Variants in TASP1 observed in about 807,000 individuals in gnomAD.
TASP1 encodes the protein threonine aspartase 1.
In TASP1, 16 loss-of-function variants were observed where a neutral mutation model predicts 56.6. That is an observed-to-expected ratio of 0.28 (90% CI 0.19 to 0.43). TASP1 has a LOEUF of 0.43. Ranked by LOEUF, TASP1 falls within the 20% of genes least tolerant of loss-of-function variation. The pLI, the probability that TASP1 is intolerant of heterozygous loss-of-function variation, is 1.00. For missense variants in TASP1, 393 were observed against 511.6 expected, an observed-to-expected ratio of 0.77 and a Z score of 2.24; for synonymous variants, 179 against 184.2, an observed-to-expected ratio of 0.97 and a Z score of 0.23.
chr20:13,533,843 T>C (rs1601151950), intron 9 of TASP1, among the ~76,000 whole-genome samples, 179 bp downstream of exon 9: 1 of 152,180 alleles, frequency 6.6e-6, no homozygotes, highest in African/African-American at 2.4e-5. Flanking sequence ...TACTATGAGA[T>C]AGGTTTTCTT....
intron 5 of TASP1, among the ~76,000 whole-genome samples, chr20:13,586,190 A>C (rs1349840416): frequency 6.6e-6 from 1 of 151,666 alleles, no homozygotes; most frequent in African/African-American, 2.4e-5. Context: ...AAAAAAAAAA[A>C]AAAAAACAGA....
intron 12 of TASP1, among the ~76,000 whole-genome samples, chr20:13,419,824 T>C (rs2042376668): frequency 6.6e-6 from 1 of 152,196 alleles, no homozygotes; most frequent in Non-Finnish European, 1.5e-5. Flanking sequence ...CCTGCCAACC[T>C]GCTCAACAGA....
the TASP1 span, among the ~76,000 whole-genome samples, chr20:13,268,201 CTTCTCTCTTGCTCCTTCTCT>C: frequency 2.0e-5 from 3 of 151,384 alleles, no homozygotes; most frequent in Non-Finnish European, 4.4e-5. Context: ...CTTCGCTTCT[CTTCTCTCTTGCTCCTTCTCT>C]TTCTCTCTTC....
At chr20:13,504,963 T>G (rs569513512) in intron 10 of TASP1, among the ~76,000 whole-genome samples, 1 of 152,190 alleles carries the variant, frequency 6.6e-6, no homozygotes, top group South Asian at 2.1e-4. Context: ...TTACATTGAA[T>G]GTAAATATAC....
At chr20:13,204,237 A>C in the TASP1 span, among the ~76,000 whole-genome samples, 4 of 152,102 alleles carry the variant, frequency 2.6e-5, no homozygotes, top group Non-Finnish European at 5.9e-5. Flanking sequence ...AGAATTCCCT[A>C]CCTTTGATGG....
At chr20:13,311,715 A>C in the TASP1 span, among the ~76,000 whole-genome samples, 1 of 152,220 alleles carries the variant, frequency 6.6e-6, no homozygotes, top group Non-Finnish European at 1.5e-5. Flanking sequence ...GATCTCACTT[A>C]TATGTGGAAT....
chr20:13,377,117 A>C, the TASP1 span, among the ~76,000 whole-genome samples: 3 of 152,278 alleles, frequency 2.0e-5, no homozygotes, highest in African/African-American at 7.2e-5. Context: ...CTGTGTTGAA[A>C]AGGAGTGGTG....
At chr20:13,299,197 C>T in the TASP1 span, 1 of 1,604,036 alleles carries the variant, frequency 6.2e-7, no homozygotes, top group Non-Finnish European at 8.5e-7. The surrounding 1 kb of genome is among the most constrained non-coding windows in gnomAD (Gnocchi z 5.8). Context: ...CTGGAGAGCA[C>T]CACGCTGGCG....
At chr20:13,173,337 T>G in the TASP1 span, among the ~76,000 whole-genome samples, 1 of 152,186 alleles carries the variant, frequency 6.6e-6, no homozygotes, top group African/African-American at 2.4e-5. Flanking sequence ...CTTATAAGCT[T>G]CATCCATTCT....
chr20:13,323,086 G>A, the TASP1 span, among the ~76,000 whole-genome samples: 54 of 152,068 alleles, frequency 3.6e-4, no homozygotes, highest in African/African-American at 1.1e-3. Flanking sequence ...GTGTCACAGC[G>A]TCTCGGAGGA....
the TASP1 span, among the ~76,000 whole-genome samples, chr20:13,286,627 GGGA>G: frequency 6.6e-6 from 1 of 152,170 alleles, no homozygotes; most frequent in Non-Finnish European, 1.5e-5. Context: ...CTCAGAGTTA[GGGA>G]GGAGGACACA....
At chr20:13,545,597 A>G (rs1411737795) in intron 8 of TASP1, among the ~76,000 whole-genome samples, 1 of 152,198 alleles carries the variant, frequency 6.6e-6, no homozygotes, top group Admixed American at 6.5e-5. Context: ...TACAAGCTGC[A>G]AAAACCAGCG....
rs151311985 is a variant in TASP1, at chr20:13,614,323, T to G, written c.282+9123A>C. 1.5e-3 allele frequency among the ~76,000 whole-genome samples: 235 copies of G among 152,038 alleles called. 1 individual carries two copies. Among genetic ancestry groups the G allele is most frequent in the African/African-American group, 5.2e-3 (214 of 41,532 alleles). ...ATTCAATTTACAAAAGACAACATAC[T>G]TCATTTAAAAAAAAAAACCCTCACA... On this transcript the variant is annotated intron_variant, in intron 4 of 13. Coordinates refer to ENST00000337743, the MANE Select transcript of TASP1 (RefSeq NM_017714.3).
intron 13 of TASP1, among the ~76,000 whole-genome samples, chr20:13,394,008 T>A (rs545297868): frequency 2.0e-5 from 3 of 152,132 alleles, no homozygotes; most frequent in Admixed American, 2.0e-4. Flanking sequence ...TGGACGGGCG[T>A]GGTGGCTCAC....
intron 10 of TASP1, among the ~76,000 whole-genome samples, chr20:13,499,232 T>A (rs2043852276): frequency 6.6e-6 from 1 of 152,128 alleles, no homozygotes; most frequent in African/African-American, 2.4e-5. Flanking sequence ...TACCACATGT[T>A]CACACCTATA....
chr20:13,606,764 G>A (rs368814451), intron 4 of TASP1, among the ~76,000 whole-genome samples: 5 of 143,150 alleles, frequency 3.5e-5, no homozygotes, highest in African/African-American at 7.8e-5. Context: ...CCGAGATCAC[G>A]CCACTGCACT....
At chr20:13,452,535 T>G (rs543040630) in intron 11 of TASP1, among the ~76,000 whole-genome samples, 39 of 152,018 alleles carry the variant, frequency 2.6e-4, no homozygotes, top group African/African-American at 8.7e-4. Flanking sequence ...AATTCATATA[T>G]ATACATATTC....
At chr20:13,312,374 C>T in the TASP1 span, among the ~76,000 whole-genome samples, 1 of 152,170 alleles carries the variant, frequency 6.6e-6, no homozygotes, top group African/African-American at 2.4e-5. Flanking sequence ...TCCTTACTCA[C>T]TCACTCACAG....
intron 11 of TASP1, among the ~76,000 whole-genome samples, chr20:13,473,597 C>G (rs2044605495): frequency 6.6e-6 from 1 of 151,856 alleles, no homozygotes; most frequent in Non-Finnish European, 1.5e-5. Context: ...GTAATTATAC[C>G]ATTCTCTTGA....
Sources: gnomAD v4.1 joint callset for allele counts (sites outside exome capture counted in the v4.1 genomes callset) on GRCh38, gnomAD v4.1.1 for gene constraint, Gnocchi (gnomAD v3.1) non-coding constraint, MANE v1.5 for transcripts, NCBI Gene and HGNC (gene_info 2026-07-23, HGNC 2026-07-21) for gene names.